The following DLC1 variants were observed in gnomAD, a reference collection of about 807,000 sequenced individuals.
The protein encoded by DLC1 is rho GTPase-activating protein 7.
Under a neutral mutation model 140.3 loss-of-function variants are expected in DLC1, and 54 were observed. That is an observed-to-expected ratio of 0.38 (90% CI 0.31 to 0.48). The LOEUF (loss-of-function observed/expected upper bound fraction) is 0.48, where lower values mean the gene tolerates loss of function less well. DLC1 is among the 20% of genes least tolerant of loss of function. The pLI, the probability that DLC1 is intolerant of heterozygous loss-of-function variation, is 0.96. For missense variants in DLC1, 2,536 were observed against 1,907.0 expected (o/e 1.33, Z -6.14); for synonymous variants, 986 against 728.1 (o/e 1.35, Z -5.70).
At chr8:13,117,816 C>G (rs1162077676) in intron 5 of DLC1, among the ~76,000 whole-genome samples, 1 of 152,206 alleles carries the variant, frequency 6.6e-6, no homozygotes, top group Non-Finnish European at 1.5e-5. Flanking sequence ...ACTAGCCAAT[C>G]CTGCCAGAGC....
At chr8:13,126,299 G>A (rs1561848) in intron 5 of DLC1, among the ~76,000 whole-genome samples, 89,941 of 151,696 alleles carry the variant, frequency 0.59, 28,911 homozygotes, top group African/African-American at 0.86. Context: ...ACATCTTTCT[G>A]TTTCATTTCA....
intron 1 of DLC1, among the ~76,000 whole-genome samples, chr8:13,524,114 A>T (rs1253194131): frequency 4.5e-5 from 1 of 22,008 alleles, no homozygotes; most frequent in Non-Finnish European, 1.0e-4. Context: ...TCTATTTATT[A>T]TTATTATTAT....
chr8:13,556,056 G>T (rs563816434), intron 1 of DLC1, among the ~76,000 whole-genome samples: 2 of 152,204 alleles, frequency 1.3e-5, no homozygotes, highest in Admixed American at 1.3e-4. Context: ...AAAGAAAATG[G>T]CCAGGAGTAA....
chr8:13,471,245 T>C lies in DLC1; in HGVS notation c.1023+27804A>G, dbSNP rs771132448. Among the ~76,000 whole-genome samples, 61 of 151,292 alleles carry C rather than the reference T, an allele frequency of 4.0e-4. 1 individual carries two copies. The Middle Eastern group carries it at 0.014, about 34-fold the overall frequency. ...GACCTAACGTACAGCCGTGTGAAAA[T>C]AGTTAACGATACTGAATTGTATACT... On this transcript the variant is annotated intron_variant, in intron 2 of 17. Transcript: ENST00000276297.
At chr8:13,212,241 G>T (rs931813155) in intron 5 of DLC1, among the ~76,000 whole-genome samples, 2 of 152,056 alleles carry the variant, frequency 1.3e-5, no homozygotes, top group Non-Finnish European at 2.9e-5. Flanking sequence ...AGCCACGATG[G>T]CCTTCTCAGC....
intron 5 of DLC1, among the ~76,000 whole-genome samples, chr8:13,259,409 C>G (rs1424830460): frequency 6.6e-6 from 1 of 152,126 alleles, no homozygotes; most frequent in East Asian, 1.9e-4. Flanking sequence ...AACACCCGGA[C>G]AGAGTGCTAA....
upstream of DLC1, among the ~76,000 whole-genome samples, chr8:13,516,492 G>C (rs1017657526): frequency 6.6e-6 from 1 of 151,976 alleles, no homozygotes; most frequent in Non-Finnish European, 1.5e-5. Flanking sequence ...TTCCTTATTA[G>C]GTAGCTAAAA....
At chr8:13,385,404 G>T (rs186141654) in intron 4 of DLC1, among the ~76,000 whole-genome samples, 2 of 152,266 alleles carry the variant, frequency 1.3e-5, no homozygotes, top group Non-Finnish European at 2.9e-5. Context: ...GCTGGCTAAA[G>T]TAGAAAGACT....
rs146107582 is a variant in DLC1 at position 13,586,472 on chromosome 8, G to A, written c.-126+18065C>T. 1.9e-3 allele frequency among the ~76,000 whole-genome samples: 284 copies of A among 152,220 alleles called. 1 individual carries two copies. The highest frequency in any genetic ancestry group is 6.5e-3 in the African/African-American group (271 of 41,552). ...AGCAGATGTTAAAGATATAAGAAAT[G>A]TGTTCTCATGGGGGAGAGCATAGTA... is the stretch of plus-strand genomic sequence containing the variant. On this transcript the variant is annotated intron_variant, in intron 1 of 1. Coordinates refer to the DLC1 transcript ENST00000631382.
At chr8:13,488,610 A>G (rs1298515645) in intron 2 of DLC1, among the ~76,000 whole-genome samples, 1 of 152,216 alleles carries the variant, frequency 6.6e-6, no homozygotes, top group African/African-American at 2.4e-5. Flanking sequence ...CCCAGACACC[A>G]GCTGAGCGAA....
intron 2 of DLC1, among the ~76,000 whole-genome samples, chr8:13,426,577 C>G (rs902990811): frequency 6.6e-6 from 1 of 152,056 alleles, no homozygotes. Flanking sequence ...TCAGAAGGTC[C>G]CAGAATTTAA....
At chr8:13,231,239 C>A (rs531412791) in intron 5 of DLC1, among the ~76,000 whole-genome samples, 1 of 151,704 alleles carries the variant, frequency 6.6e-6, no homozygotes, top group Admixed American at 6.6e-5. Context: ...AAATCAAGTG[C>A]GGGATTTTCA....
intron 4 of DLC1, among the ~76,000 whole-genome samples, chr8:13,349,693 C>G (rs139487519): frequency 1.9e-3 from 282 of 152,300 alleles, no homozygotes; most frequent in African/African-American, 6.3e-3. Context: ...GGATTTGTTG[C>G]TGATGGTGTT....
chr8:13,387,036 A>G (rs773488213), intron 4 of DLC1, among the ~76,000 whole-genome samples: 33 of 151,966 alleles, frequency 2.2e-4, no homozygotes, highest in Admixed American at 8.5e-4. Context: ...TGTTTTAATT[A>G]AAAACTGTAT....
At chr8:13,580,871 A>C (rs534706454) in intron 1 of DLC1, among the ~76,000 whole-genome samples, 1 of 152,192 alleles carries the variant, frequency 6.6e-6, no homozygotes, top group African/African-American at 2.4e-5. Context: ...ATGGCAAGAG[A>C]ATGGATTGTT....
intron 2 of DLC1, among the ~76,000 whole-genome samples, chr8:13,494,481 G>A (rs7815903): frequency 0.85 from 128,561 of 152,108 alleles, 55,228 homozygotes; most frequent in Non-Finnish European, 0.94. Flanking sequence ...TGACTTGAAT[G>A]TAGAGGAGGA....
At chr8:13,185,216 G>T (rs765252446) in intron 5 of DLC1, among the ~76,000 whole-genome samples, 3 of 148,948 alleles carry the variant, frequency 2.0e-5, no homozygotes, top group East Asian at 3.9e-4. Flanking sequence ...TGCGAGATGG[G>T]TCTCCTGAAT....
intron 5 of DLC1, among the ~76,000 whole-genome samples, chr8:13,171,924 A>G (rs776583503): frequency 2.0e-5 from 3 of 152,160 alleles, no homozygotes; most frequent in Non-Finnish European, 4.4e-5. Context: ...TCCTACGGCT[A>G]CGGGTATCTG....
chr8:13,107,239 C>T lies in DLC1; in HGVS notation c.1502+3503G>A, dbSNP rs183586874. Among the ~76,000 whole-genome samples the T allele has an allele frequency of 2.5e-3, 375 of 152,230 alleles. 2 individuals carry two copies. The highest frequency in any genetic ancestry group is 8.7e-3 in the African/African-American group (360 of 41,554). On this transcript the variant is annotated intron_variant, in intron 7 of 17. Transcript: ENST00000276297. ...GACTATGTCATTGTTCTCATAAAACCCACTAACTCTACAAGTCTTCTTGCC... is the reference window on the plus strand; with the variant it reads ...GACTATGTCATTGTTCTCATAAAACTCACTAACTCTACAAGTCTTCTTGCC...
Sources: gnomAD v4.1 joint callset for allele counts (sites outside exome capture counted in the v4.1 genomes callset) on GRCh38, gnomAD v4.1.1 for gene constraint, MANE v1.5 for transcripts, NCBI Gene and HGNC (gene_info 2026-07-23, HGNC 2026-07-21) for gene names.